Variants in KCNH7 observed in about 807,000 individuals in gnomAD.
The protein encoded by KCNH7 is voltage-gated inwardly rectifying potassium channel KCNH7.
In KCNH7, 49 loss-of-function variants were observed where a neutral mutation model predicts 120.8. That is an observed-to-expected ratio of 0.41 (90% CI 0.32 to 0.51). KCNH7 has a LOEUF of 0.51. Among genes scored for constraint, KCNH7 ranks in the 20% least tolerant of loss-of-function variants. The pLI is 0.38. For missense variants in KCNH7, 1,097 were observed against 1,446.6 expected, an observed-to-expected ratio of 0.76 and a Z score of 3.92; for synonymous variants, 547 against 516.1, an observed-to-expected ratio of 1.06 and a Z score of -0.81.
At chr2:162,682,329 C>G (rs1346149077) in intron 2 of KCNH7, among the ~76,000 whole-genome samples, 1 of 151,658 alleles carries the variant, frequency 6.6e-6, no homozygotes, top group Non-Finnish European at 1.5e-5. Context: ...AAGTTAGAAC[C>G]ATAAAGCCTT....
intron 2 of KCNH7, among the ~76,000 whole-genome samples, chr2:162,777,904 G>A (rs1683309465): frequency 6.6e-6 from 1 of 152,096 alleles, no homozygotes; most frequent in Non-Finnish European, 1.5e-5. Flanking sequence ...GTAATAAGTT[G>A]AAGCAGATTT....
At chr2:162,374,249 G>A (rs902476704) in intron 14 of KCNH7, among the ~76,000 whole-genome samples, 5 of 152,000 alleles carry the variant, frequency 3.3e-5, no homozygotes, top group African/African-American at 1.2e-4. Flanking sequence ...ATGGCCTTTG[G>A]TATGTAAGAA....
intron 3 of KCNH7, among the ~76,000 whole-genome samples, chr2:162,521,269 G>T (rs1205771100): frequency 1.3e-5 from 2 of 151,906 alleles, no homozygotes; most frequent in Admixed American, 1.3e-4. Context: ...TTCACAAACA[G>T]ATTCTAAACT....
chr2:162,373,525 G>T lies in KCNH7; in HGVS notation c.3269C>A (p.Thr1090Asn), dbSNP rs1686042245. The part of the protein sequence containing the change: ...YQRPIIQLMR[T>N]SQPEASIKTD... ...TTTGATGGATGCTTCCGGTTGACTG[G>T]TTCTCATCAGCTGGATGATGGGTCT... The change falls in exon 15 of 16, where the codon ACC becomes AAC. Residue 1090 changes from threonine (T) to asparagine (N), a missense_variant. By Grantham distance (65) the Thr-to-Asn change is moderately conservative. This residue lies in a region of KCNH7 where 406 missense variants were observed against 410.5 expected (regional missense o/e 0.99). Transcript: ENST00000332142. 1 of 1,585,608 alleles carries T rather than the reference G, an allele frequency of 6.3e-7. No individual in the cohort carries two copies. Among genetic ancestry groups the T allele is most frequent in the Non-Finnish European group, 8.6e-7 (1 of 1,165,952 alleles).
intron 2 of KCNH7, among the ~76,000 whole-genome samples, chr2:162,615,302 T>C (rs1219656535): frequency 6.6e-6 from 1 of 152,222 alleles, no homozygotes; most frequent in Non-Finnish European, 1.5e-5. Flanking sequence ...GTAACTACTG[T>C]ATGTTTTTCA....
At chr2:162,574,399 TA>T (rs1389217654) in intron 2 of KCNH7, among the ~76,000 whole-genome samples, 73 of 144,614 alleles carry the variant, frequency 5.0e-4, no homozygotes, top group South Asian at 6.5e-4. Context: ...CTCTTCTTTG[TA>T]AAAAAAAAAA....
intron 2 of KCNH7, among the ~76,000 whole-genome samples, chr2:162,778,726 G>A (rs185121125): frequency 1.3e-4 from 20 of 152,024 alleles, no homozygotes; most frequent in African/African-American, 4.1e-4. Context: ...AGAATAAATG[G>A]GTGTGATTCA....
chr2:162,591,951 G>GA (rs1694229059), intron 2 of KCNH7, among the ~76,000 whole-genome samples: 2 of 151,982 alleles, frequency 1.3e-5, no homozygotes, highest in African/African-American at 4.8e-5. Flanking sequence ...AACTTTCTGA[G>GA]AAAAATTTTT....
chr2:162,599,053 C>T (rs1252614685), intron 2 of KCNH7, among the ~76,000 whole-genome samples: 1 of 151,760 alleles, frequency 6.6e-6, no homozygotes, highest in Non-Finnish European at 1.5e-5. Context: ...GTCAGGAGTT[C>T]AAGACCAGCC....
chr2:162,566,046 C>CT lies in KCNH7; in HGVS notation c.308-28967dup, dbSNP rs572367031. On this transcript the variant is annotated intron_variant, in intron 2 of 15. Transcript: ENST00000332142. Reference sequence around the variant, plus strand: ...AAGATATCTTACAAGTTCCTTTCATCTATCTGGGAACCATGACCTGCCACT... The same window carrying CT: ...AAGATATCTTACAAGTTCCTTTCATCTTATCTGGGAACCATGACCTGCCACT... Among the ~76,000 whole-genome samples, 373 of 152,054 alleles carry CT rather than the reference C, an allele frequency of 2.5e-3. 2 individuals are homozygous for CT. Among genetic ancestry groups the CT allele is most frequent in the East Asian group, 0.023 (116 of 5,154 alleles).
rs781496703 is a variant in KCNH7 at position 162,446,265 on chromosome 2, C to T, written c.1307G>A (p.Arg436Lys). 4.3e-6 allele frequency: 7 copies of T among 1,613,962 alleles called. No individual in the cohort carries two copies. The highest frequency in any genetic ancestry group is 5.9e-6 in the Non-Finnish European group (7 of 1,179,906). ...ACATTCTCGTCTTTTCTGTTCTTCT[C>T]TGTCATTGAGGAGGAAGGCTGCAGA... Reference protein sequence around the residue: ...PYSAAFLLNDREEQKRRECGY... With the variant: ...PYSAAFLLNDKEEQKRRECGY... The change falls in exon 7 of 16, where the codon AGA becomes AAA. Residue 436 changes from arginine to lysine, a missense_variant. This residue lies in a region of KCNH7 where 109 missense variants were observed against 196.8 expected (regional missense o/e 0.55). Coordinates refer to ENST00000332142, the MANE Select transcript of KCNH7 (RefSeq NM_033272.4).
At chr2:162,395,689 C>A (rs1225015487) in intron 11 of KCNH7, among the ~76,000 whole-genome samples, 1 of 151,620 alleles carries the variant, frequency 6.6e-6, no homozygotes, top group African/African-American at 2.4e-5. Context: ...TCTTTTTCCA[C>A]TTCAATTAAA....
chr2:162,799,415 A>C (rs1684262883), intron 2 of KCNH7, among the ~76,000 whole-genome samples: 1 of 151,976 alleles, frequency 6.6e-6, no homozygotes, highest in South Asian at 2.1e-4. Context: ...TTGTGGAACC[A>C]CATGAAGCAT....
chr2:162,596,205 C>A (rs1448675286), intron 2 of KCNH7, among the ~76,000 whole-genome samples: 1 of 151,970 alleles, frequency 6.6e-6, no homozygotes, highest in Non-Finnish European at 1.5e-5. Context: ...ACTTCACAGA[C>A]AGAGAATTCT....
At chr2:162,392,575 G>T (rs908447558) in intron 12 of KCNH7, among the ~76,000 whole-genome samples, 2 of 152,040 alleles carry the variant, frequency 1.3e-5, no homozygotes, top group Non-Finnish European at 2.9e-5. Context: ...ACAGATACTT[G>T]TTGAGCATCT....
intron 2 of KCNH7, among the ~76,000 whole-genome samples, chr2:162,759,531 T>C (rs1688898483): frequency 6.6e-6 from 1 of 152,038 alleles, no homozygotes; most frequent in Admixed American, 6.6e-5. Context: ...CTGGGGTCTC[T>C]ACAACTCAAG....
At chr2:162,691,158 A>G (rs921013893) in intron 2 of KCNH7, among the ~76,000 whole-genome samples, 1 of 152,160 alleles carries the variant, frequency 6.6e-6, no homozygotes, top group Admixed American at 6.5e-5. Flanking sequence ...TTTGAGATTA[A>G]ATGACTATAC....
intron 6 of KCNH7, among the ~76,000 whole-genome samples, chr2:162,466,425 G>A (rs551866587): frequency 2.0e-5 from 3 of 152,178 alleles, no homozygotes; most frequent in Non-Finnish European, 4.4e-5. Context: ...GGACGGAGAA[G>A]TGCCAATCAA....
chr2:162,782,963 G>A (rs771124431), intron 2 of KCNH7, among the ~76,000 whole-genome samples: 1 of 152,164 alleles, frequency 6.6e-6, no homozygotes, highest in African/African-American at 2.4e-5. Context: ...GTCTCTGAGG[G>A]TCATCACAGT....
Sources: allele counts gnomAD v4.1 joint callset (sites outside exome capture counted in the v4.1 genomes callset), GRCh38; gene constraint gnomAD v4.1.1; regional missense constraint gnomAD v4.1.1; transcripts MANE v1.5; gene names NCBI Gene and HGNC (gene_info 2026-07-23, HGNC 2026-07-21).